Variants in CDH13 observed in about 807,000 individuals in gnomAD.
The protein encoded by CDH13 is cadherin-13.
A neutral mutation model predicts 63.8 loss-of-function variants in CDH13; 24 were observed. The ratio of observed to expected loss-of-function variants is 0.38; its 90% CI spans 0.27 to 0.53. The LOEUF (loss-of-function observed/expected upper bound fraction) is 0.53. Among genes scored for constraint, CDH13 ranks in the 20% least tolerant of loss-of-function variants. CDH13 has a pLI of 0.85. For synonymous variants in CDH13, 503 were observed against 355.3 expected (o/e 1.42, Z -4.67); for missense variants, 1,049 against 903.1 (o/e 1.16, Z -2.07).
intron 3 of CDH13, among the ~76,000 whole-genome samples, chr16:83,078,481 A>G (rs557541652): frequency 7.2e-5 from 11 of 152,356 alleles, no homozygotes; most frequent in South Asian, 2.1e-4. Context: ...TTGTACTCCT[A>G]TAAGAGTCTA....
chr16:82,719,467 G>A (rs929476379), intron 1 of CDH13: 1 of 455,606 alleles, frequency 2.2e-6, no homozygotes, highest in Admixed American at 2.4e-5. Context: ...AAGGAATGAT[G>A]CCAACTTCGT....
intron 4 of CDH13, among the ~76,000 whole-genome samples, chr16:83,185,195 G>A (rs1261141152): frequency 6.6e-6 from 1 of 152,086 alleles, no homozygotes; most frequent in African/African-American, 2.4e-5. Flanking sequence ...CCAAGTCTGT[G>A]CTCTTTGCTG....
intron 13 of CDH13, among the ~76,000 whole-genome samples, chr16:83,791,420 T>C (rs1047326528): frequency 6.9e-6 from 1 of 144,736 alleles, no homozygotes; most frequent in Non-Finnish European, 1.5e-5. Context: ...CGAGTGAGCT[T>C]GGGAGGCAGA....
At chr16:82,986,932 A>G (rs12448457) in intron 2 of CDH13, among the ~76,000 whole-genome samples, 2 of 152,218 alleles carry the variant, frequency 1.3e-5, no homozygotes, top group South Asian at 2.1e-4. Flanking sequence ...AGTTAAGTCT[A>G]TGGAAAGGGA....
intron 7 of CDH13, among the ~76,000 whole-genome samples, chr16:83,549,754 T>C (rs2075456518): frequency 6.6e-6 from 1 of 151,934 alleles, no homozygotes; most frequent in Admixed American, 6.6e-5. Flanking sequence ...AAAGCAAAAC[T>C]TGTCAACTAA....
At chr16:83,059,557 G>A (rs779114746) in intron 3 of CDH13, among the ~76,000 whole-genome samples, 5 of 151,994 alleles carry the variant, frequency 3.3e-5, no homozygotes, top group African/African-American at 9.7e-5. Context: ...TGAACTCTTC[G>A]GAGATTCCAT....
chr16:83,248,652 C>G (rs904074839), intron 5 of CDH13, among the ~76,000 whole-genome samples: 2 of 151,924 alleles, frequency 1.3e-5, no homozygotes, highest in Non-Finnish European at 2.9e-5. Context: ...GTAAAGTTCT[C>G]TCCTTCATGT....
chr16:82,995,987 A>T, intron 2 of CDH13, among the ~76,000 whole-genome samples: 1 of 152,188 alleles, frequency 6.6e-6, no homozygotes, highest in East Asian at 1.9e-4. Flanking sequence ...GTCAAGTGAG[A>T]TTCAAAATGG....
chr16:82,879,784 G>A (rs11150510), intron 2 of CDH13, among the ~76,000 whole-genome samples: 35,408 of 135,824 alleles, frequency 0.26, 5,958 homozygotes, highest in East Asian at 0.82. Flanking sequence ...TAATATATAA[G>A]TATATAAAAT....
intron 5 of CDH13, among the ~76,000 whole-genome samples, chr16:83,305,340 T>C (rs764804922): frequency 3.3e-5 from 5 of 152,240 alleles, no homozygotes; most frequent in Non-Finnish European, 7.3e-5. Flanking sequence ...CATCCAGCTA[T>C]GTACAGGAAG....
Position 82,960,954 on chromosome 16 carries a change from TG to T in CDH13, c.158-71054del, listed in dbSNP as rs1174158924. Among the ~76,000 whole-genome samples, 6 of 152,300 alleles carry T rather than the reference TG, an allele frequency of 3.9e-5. No individual in the cohort carries two copies. In the East Asian group the frequency reaches 1.2e-3, roughly 29 times the overall value. On this transcript the variant is annotated intron_variant, in intron 2 of 13. Coordinates refer to ENST00000567109, the MANE Select transcript of CDH13 (RefSeq NM_001257.5). ...GGGGTAAAAAGGGTAATACAAAATA[TG>T]GATAGTTTTTTCATTGCTGGAATGT...
At chr16:82,672,994 G>GTTTTCTTT (rs1567612659) in intron 1 of CDH13, among the ~76,000 whole-genome samples, 3 of 26,526 alleles carry the variant, frequency 1.1e-4, no homozygotes, top group Admixed American at 4.9e-4. Context: ...TTTTTATAAA[G>GTTTTCTTT]TTTTCTTTTT....
chr16:83,043,159 T>C (rs1025833535), intron 3 of CDH13, among the ~76,000 whole-genome samples: 1 of 152,212 alleles, frequency 6.6e-6, no homozygotes, highest in African/African-American at 2.4e-5. Context: ...TCCAGGATAC[T>C]ATTCATATAT....
At position 83,064,374 on chromosome 16, in the gene CDH13, A is replaced by G. The variant is rs13337983; in HGVS notation, c.366+32156A>G. Among the ~76,000 whole-genome samples, 381 of 152,308 alleles carry G rather than the reference A, an allele frequency of 2.5e-3. 6 individuals are homozygous for G. The highest frequency in any genetic ancestry group is 8.7e-3 in the African/African-American group (360 of 41,566). On this transcript the variant is annotated intron_variant, in intron 3 of 13. Coordinates refer to ENST00000567109, the MANE Select transcript of CDH13 (RefSeq NM_001257.5). ...ACAAAGTGAGACTGTCTCAAAAAAA[A>G]GAAAGTTATATGAGTATTGTTGAAG...
chr16:82,862,989 C>G (rs1353439311), intron 2 of CDH13, among the ~76,000 whole-genome samples: 3 of 152,126 alleles, frequency 2.0e-5, no homozygotes, highest in Non-Finnish European at 2.9e-5. Flanking sequence ...TACCTCAGCC[C>G]CAAAGTGGCA....
At chr16:83,527,150 A>C (rs2061888152) in intron 7 of CDH13, among the ~76,000 whole-genome samples, 1 of 151,748 alleles carries the variant, frequency 6.6e-6, no homozygotes, top group Non-Finnish European at 1.5e-5. Context: ...AAATTGTTTT[A>C]ATTAAAGAAT....
intron 1 of CDH13, among the ~76,000 whole-genome samples, chr16:82,800,736 G>C (rs60578329): frequency 2.0e-5 from 3 of 152,210 alleles, no homozygotes; most frequent in South Asian, 2.1e-4. Context: ...GAAAGAACAG[G>C]ATTTACCTAA....
intron 8 of CDH13, among the ~76,000 whole-genome samples, chr16:83,644,404 T>A (rs1417444718): frequency 6.6e-6 from 1 of 152,220 alleles, no homozygotes; most frequent in Non-Finnish European, 1.5e-5. Context: ...GTTTTCCCTT[T>A]TATAAACATT....
chr16:83,101,912 T>G (rs79966313), intron 3 of CDH13, among the ~76,000 whole-genome samples: 2,534 of 152,314 alleles, frequency 0.017, 61 homozygotes, highest in African/African-American at 0.054. Context: ...GCCCCAGGAT[T>G]GTTCACATTC....
Sources: allele counts gnomAD v4.1 joint callset (sites outside exome capture counted in the v4.1 genomes callset), GRCh38; gene constraint gnomAD v4.1.1; transcripts MANE v1.5; gene names NCBI Gene and HGNC (gene_info 2026-07-23, HGNC 2026-07-21).